The following MTA3 variants were observed in gnomAD, a reference collection of about 807,000 sequenced individuals.
The protein encoded by MTA3 is metastasis-associated protein MTA3.
In MTA3, 34 loss-of-function variants were observed where a neutral mutation model predicts 83.5. The ratio of observed to expected loss-of-function variants is 0.41; its 90% CI spans 0.31 to 0.54. The LOEUF (loss-of-function observed/expected upper bound fraction) is 0.54, where lower values mean the gene tolerates loss of function less well. MTA3 is among the 20% of genes least tolerant of loss of function. The pLI is 0.33. For missense variants in MTA3, 761 were observed against 726.4 expected, an observed-to-expected ratio of 1.05 and a Z score of -0.55; for synonymous variants, 303 against 252.7, an observed-to-expected ratio of 1.20 and a Z score of -1.89.
At chr2:42,654,470 A>G (rs1053579768) in intron 6 of MTA3, among the ~76,000 whole-genome samples, 1 of 152,242 alleles carries the variant, frequency 6.6e-6, no homozygotes, top group Non-Finnish European at 1.5e-5. Flanking sequence ...GTAAGAATCT[A>G]TAGCTATAAA....
Position 42,756,768 on chromosome 2 carries a change from CTA to C in MTA3, c.*3371_*3372del. On this transcript the variant is annotated 3_prime_UTR_variant, in exon 17 of 17. Transcript: ENST00000405094. ...TGTCCACCCCTCCTGTTCCTCTGCA[CTA>C]TGTCTCTGATTTTCCCTGCCAGGGA... The C allele has an allele frequency of 1.0e-6, 1 of 985,498 alleles. No homozygotes were observed. Among genetic ancestry groups the C allele is most frequent in the Non-Finnish European group, 1.2e-6 (1 of 829,972 alleles). 61.0% of individuals were successfully genotyped at this position (985,498 alleles called of 1,614,324 possible). A position where few individuals can be genotyped will look rare whatever the true frequency, so the allele number is the denominator to read the frequency against.
At chr2:42,494,717 G>A (rs796824436) in exon 1 of MTA3, 6 of 152,500 alleles carry the variant, frequency 3.9e-5, no homozygotes, top group African/African-American at 1.4e-4. Flanking sequence ...TGGGATGAAA[G>A]TCTGGGGAGG....
intron 3 of MTA3, among the ~76,000 whole-genome samples, chr2:42,591,017 A>T (rs1680926450): frequency 2.0e-5 from 3 of 152,164 alleles, no homozygotes; most frequent in Non-Finnish European, 2.9e-5. Flanking sequence ...GAACATAGCC[A>T]TGATTGCTTT....
intron 2 of MTA3, among the ~76,000 whole-genome samples, chr2:42,530,676 T>C (rs1232102016): frequency 6.6e-6 from 1 of 151,492 alleles, no homozygotes; most frequent in African/African-American, 2.4e-5. Context: ...TCCCAGCTAC[T>C]CGGGAGGCTG....
At chr2:42,633,323 C>T (rs964767548) in intron 4 of MTA3, among the ~76,000 whole-genome samples, 1 of 151,450 alleles carries the variant, frequency 6.6e-6, no homozygotes, top group South Asian at 2.1e-4. Context: ...ATGGCTCATG[C>T]CTGTAATCCC....
Position 42,559,214 on chromosome 2 carries a change from G to A in MTA3, c.-140-11223G>A, listed in dbSNP as rs533769330. Among the ~76,000 whole-genome samples, 3 of 152,260 alleles carry A rather than the reference G, an allele frequency of 2.0e-5. No homozygotes were observed. In the South Asian group the frequency reaches 6.2e-4, roughly 32 times the overall value. On this transcript the variant is annotated intron_variant, in intron 2 of 17. Coordinates refer to the MTA3 transcript ENST00000405592. ...AGCACCTGGGAGTCCCAACAAGTTT[G>A]TTTTGGGCTGGGCGCAGTGGCTCAC... is the stretch of plus-strand genomic sequence containing the variant.
chr2:42,719,135 G>A, intron 15 of MTA3, 61 bp downstream of exon 15: 2 of 1,293,596 alleles, frequency 1.5e-6, no homozygotes, highest in Non-Finnish European at 1.1e-6. Flanking sequence ...ATAGATATTT[G>A]GCAATTCTAA....
At chr2:42,647,398 T>A (rs1482912101) in intron 6 of MTA3, among the ~76,000 whole-genome samples, 1 of 151,730 alleles carries the variant, frequency 6.6e-6, no homozygotes, top group East Asian at 2.0e-4. Flanking sequence ...TAATTTTTTT[T>A]GTATTTTTAT....
At chr2:42,674,839 A>G (rs1033467518) in intron 8 of MTA3, among the ~76,000 whole-genome samples, 6 of 151,300 alleles carry the variant, frequency 4.0e-5, no homozygotes, top group African/African-American at 1.5e-4. Context: ...CCTCGTGATG[A>G]TCTGCCCGCC....
chr2:42,695,661 A>AAT, intron 9 of MTA3, 104 bp from the exon 10 acceptor site: 1 of 431,534 alleles, frequency 2.3e-6, no homozygotes, highest in Non-Finnish European at 4.0e-6. Flanking sequence ...AAAAAAAAAA[A>AAT]GAAAGTGGTG....
chr2:42,621,389 A>C lies in MTA3; in HGVS notation c.317+11805A>C, dbSNP rs568808597. ...TTAACAAAGCACATCTTGCACCGCC[A>C]TTAATCCATTTAACCCTGAGTGGAC... On this transcript the variant is annotated intron_variant, in intron 4 of 16. Transcript: ENST00000405094. Among the ~76,000 whole-genome samples, 736 of 151,260 alleles carry C rather than the reference A, an allele frequency of 4.9e-3. 8 individuals are homozygous for C. Among genetic ancestry groups the C allele is most frequent in the African/African-American group, 0.016 (671 of 41,200 alleles).
rs558735155 is a variant in MTA3 at position 42,499,912 on chromosome 2, TAC to T, written c.-141+4660_-141+4661del. ...CAAGAAGTTGTATACATGAAATATG[TAC>T]AGTTTTTTGTATGTTAATCATACCT... On this transcript the variant is annotated intron_variant, in intron 2 of 17. Transcript: ENST00000405592. 4.6e-5 allele frequency among the ~76,000 whole-genome samples: 7 copies of T among 152,026 alleles called. No individual in the cohort carries two copies. In the South Asian group the frequency reaches 1.5e-3, roughly 32 times the overall value.
Position 42,754,015 on chromosome 2 carries a change from A to T in MTA3, c.*616A>T. On this transcript the variant is annotated 3_prime_UTR_variant, in exon 17 of 17. Transcript: ENST00000405094. ...ATTCCTATATGTGACCCTCCCTCCT[A>T]CTCCTCCAAGGAACAGAATTACCGA... The T allele has an allele frequency of 1.0e-6, 1 of 985,220 alleles. No homozygotes were observed. Among genetic ancestry groups the T allele is most frequent in the East Asian group, 1.1e-4 (1 of 8,804 alleles). 61.0% of individuals were successfully genotyped at this position (985,220 alleles called of 1,614,324 possible).
At chr2:42,532,251 C>T (rs1247887185) in intron 2 of MTA3, among the ~76,000 whole-genome samples, 1 of 152,240 alleles carries the variant, frequency 6.6e-6, no homozygotes, top group African/African-American at 2.4e-5. Flanking sequence ...TGGCTCATAC[C>T]TGTAATTGCA....
At chr2:42,725,370 G>A (rs551701407) in intron 16 of MTA3, among the ~76,000 whole-genome samples, 40 of 152,304 alleles carry the variant, frequency 2.6e-4, no homozygotes, top group Admixed American at 1.3e-3. Context: ...GAATCTTCTC[G>A]TTTAACCACT....
intron 4 of MTA3, 99 bp downstream of exon 4, chr2:42,609,683 T>A: frequency 7.5e-7 from 1 of 1,335,762 alleles, no homozygotes; most frequent in Non-Finnish European, 1.0e-6. Context: ...GGATCTTGCT[T>A]AAACTACTTT....
intron 2 of MTA3, among the ~76,000 whole-genome samples, chr2:42,560,360 C>G (rs559752939): frequency 1.3e-5 from 2 of 151,518 alleles, no homozygotes; most frequent in South Asian, 4.2e-4. Context: ...AAAAACAAAT[C>G]AAGCTGTGGT....
intron 2 of MTA3, among the ~76,000 whole-genome samples, chr2:42,513,730 G>T (rs966091464): frequency 2.6e-5 from 4 of 152,228 alleles, no homozygotes; most frequent in Non-Finnish European, 5.9e-5. Flanking sequence ...GCTGGACTCA[G>T]TGAGCCGGGA....
At chr2:42,597,644 A>G (rs186411274) in intron 3 of MTA3, among the ~76,000 whole-genome samples, 273 of 148,238 alleles carry the variant, frequency 1.8e-3, no homozygotes, top group Non-Finnish European at 2.5e-3. Flanking sequence ...TCAGCCTCCC[A>G]AAGTGCTGGG....
Sources: allele counts gnomAD v4.1 joint callset (sites outside exome capture counted in the v4.1 genomes callset), GRCh38; gene constraint gnomAD v4.1.1; transcripts MANE v1.5; gene names NCBI Gene and HGNC (gene_info 2026-07-23, HGNC 2026-07-21).